Variants in SGPP1 observed in about 807,000 individuals in gnomAD.
SGPP1 encodes the protein hSPP1.
A neutral mutation model predicts 33.0 loss-of-function variants in SGPP1; 21 were observed. The ratio of observed to expected loss-of-function variants is 0.64; its 90% confidence interval spans 0.45 to 0.92. SGPP1 has a LOEUF of 0.92. SGPP1 is among the 40% of genes least tolerant of loss of function. The pLI, the probability that SGPP1 is intolerant of heterozygous loss-of-function variation, is 0.00. For synonymous variants in SGPP1, 239 were observed against 241.2 expected (o/e 0.99, Z 0.08); for missense variants, 543 against 589.4 (o/e 0.92, Z 0.81).
rs549267195 is a variant in SGPP1 at position 63,702,285 on chromosome 14, TG to T, written c.685-3628del. Among the ~76,000 whole-genome samples the T allele has an allele frequency of 2.0e-5, 3 of 152,338 alleles. No homozygotes were observed. The South Asian group carries it at 6.2e-4, about 32-fold the overall frequency. ...TGAGGCTTTCCTTTTCTCTGCTCCATGGCACCTTCAGATTTCACTGGGATGA... is the reference window on the plus strand; with the variant it reads ...TGAGGCTTTCCTTTTCTCTGCTCCATGCACCTTCAGATTTCACTGGGATGA... On this transcript the variant is annotated intron_variant, in intron 1 of 2. Coordinates refer to ENST00000247225, the MANE Select transcript of SGPP1 (RefSeq NM_030791.4).
rs764734910 is a variant in SGPP1, at chr14:63,698,546, TAAG to T, written c.774+20_774+22del. The T allele has an allele frequency of 7.4e-7, 1 of 1,344,328 alleles. No individual in the cohort carries two copies. Among genetic ancestry groups the T allele is most frequent in the Non-Finnish European group, 1.0e-6 (1 of 964,920 alleles). 83.3% of individuals were successfully genotyped at this position (1,344,328 alleles called of 1,614,324 possible). Reference sequence around the variant, plus strand: ...GTCAATGTCATAAAAAATAAAGTATTAAGAAGACAACATTTTCCTTACCAGAAT... The same window carrying T: ...GTCAATGTCATAAAAAATAAAGTATTAAGACAACATTTTCCTTACCAGAAT... On this transcript the variant is annotated intron_variant, in intron 2 of 2. Coordinates refer to ENST00000247225, the MANE Select transcript of SGPP1 (RefSeq NM_030791.4).
chr14:63,696,913 G>A (rs940807360), intron 2 of SGPP1, among the ~76,000 whole-genome samples: 3 of 152,170 alleles, frequency 2.0e-5, no homozygotes, highest in Non-Finnish European at 4.4e-5. Context: ...TTGAACCTGG[G>A]AGGCAGAAGC....
rs1296679081 is a variant in SGPP1 at position 63,698,678 on chromosome 14, A to C, written c.685-20T>G. 7.4e-7 allele frequency: 1 copy of C among 1,350,998 alleles called. No individual in the cohort carries two copies. Among genetic ancestry groups the C allele is most frequent in the East Asian group, 2.3e-5 (1 of 42,766 alleles). The allele number at this position is 1,350,998 out of a possible 1,614,324, so 83.7% of individuals were successfully genotyped here. A position where few individuals can be genotyped will look rare whatever the true frequency, so the allele number is the denominator to read the frequency against. On this transcript the variant is annotated intron_variant, in intron 1 of 2. Coordinates refer to ENST00000247225, the MANE Select transcript of SGPP1 (RefSeq NM_030791.4). ...AGGGTACTAAAGGGGAAAAAAAGTA[A>C]AATTAGTTAAACAAATTTAAGTTAG...
chr14:63,693,928 T>C (rs1885136470), intron 2 of SGPP1, among the ~76,000 whole-genome samples: 1 of 152,192 alleles, frequency 6.6e-6, no homozygotes, highest in Non-Finnish European at 1.5e-5. Context: ...TATTTTTTCA[T>C]AATAGATATA....
At chr14:63,689,842 T>C (rs1885057289) in intron 2 of SGPP1, among the ~76,000 whole-genome samples, 1 of 152,188 alleles carries the variant, frequency 6.6e-6, no homozygotes, top group Admixed American at 6.5e-5. Flanking sequence ...TTCTGAGCTT[T>C]GCTAAAATGT....
chr14:63,724,976 A>AC (rs1218014859), intron 1 of SGPP1, among the ~76,000 whole-genome samples: 8 of 149,996 alleles, frequency 5.3e-5, no homozygotes, highest in Admixed American at 2.0e-4. Flanking sequence ...ATATAGTGAG[A>AC]CCCCGACTCT....
intron 1 of SGPP1, among the ~76,000 whole-genome samples, chr14:63,715,370 C>T (rs916854475): frequency 1.3e-5 from 2 of 152,114 alleles, no homozygotes; most frequent in African/African-American, 2.4e-5. Flanking sequence ...GTGCAACTGT[C>T]ATTAGTATAC....
chr14:63,720,126 C>CAA (rs569010417), intron 1 of SGPP1, among the ~76,000 whole-genome samples: 27 of 96,742 alleles, frequency 2.8e-4, no homozygotes, highest in African/African-American at 6.9e-4. Context: ...CTGCATCTCA[C>CAA]AAAAAAAAAA....
chr14:63,702,044 T>C (rs1045535715), intron 1 of SGPP1, among the ~76,000 whole-genome samples: 3 of 150,232 alleles, frequency 2.0e-5, no homozygotes, highest in Admixed American at 1.3e-4. Flanking sequence ...AAATTACTGA[T>C]AAGAGTTCTT....
intron 1 of SGPP1, among the ~76,000 whole-genome samples, chr14:63,702,975 A>G (rs1029105200): frequency 2.6e-5 from 4 of 152,190 alleles, no homozygotes; most frequent in Non-Finnish European, 5.9e-5. Flanking sequence ...AAAAAACAGT[A>G]TATATAGCGT....
chr14:63,720,080 G>A (rs573672321), intron 1 of SGPP1, among the ~76,000 whole-genome samples: 15 of 150,042 alleles, frequency 1.0e-4, no homozygotes, highest in African/African-American at 3.7e-4. Flanking sequence ...GAGCAAAGAT[G>A]GCACCACTGC....
chr14:63,688,212 A>AGGCT, intron 2 of SGPP1, among the ~76,000 whole-genome samples: 1 of 148,806 alleles, frequency 6.7e-6, no homozygotes, highest in Non-Finnish European at 1.5e-5. Flanking sequence ...GCTACTCAGG[A>AGGCT]GGCTGAGGCA....
intron 1 of SGPP1, among the ~76,000 whole-genome samples, chr14:63,702,145 G>A (rs950955063): frequency 4.6e-5 from 7 of 152,186 alleles, no homozygotes; most frequent in Middle Eastern, 3.4e-3. Context: ...TTTTAAATAG[G>A]AGCAATGAAA....
intron 1 of SGPP1, among the ~76,000 whole-genome samples, chr14:63,715,729 C>A (rs1320522230): frequency 6.6e-6 from 1 of 152,176 alleles, no homozygotes; most frequent in Non-Finnish European, 1.5e-5. Flanking sequence ...ATCTCAGAGA[C>A]TGAGCCCTGG....
At position 63,688,315 on chromosome 14, in the gene SGPP1, CAAAAAAAAAA is replaced by C. The variant is rs71120275; in HGVS notation, c.775-1669_775-1660del. On this transcript the variant is annotated intron_variant, in intron 2 of 2. Coordinates refer to ENST00000247225, the MANE Select transcript of SGPP1 (RefSeq NM_030791.4). ...TGGGTGACAGAGCAAGACTCTGTCTCAAAAAAAAAAAAAAAAAAAAAAAAAAAATTTTAAA... is the reference window on the plus strand; with the variant it reads ...TGGGTGACAGAGCAAGACTCTGTCTCAAAAAAAAAAAAAAAAAATTTTAAA... Among the ~76,000 whole-genome samples the C allele has an allele frequency of 8.0e-3, 252 of 31,432 alleles. 3 individuals are homozygous for C. The highest frequency in any genetic ancestry group is 0.058 in the East Asian group (55 of 952). The allele number at this position is 31,432 out of a possible 152,430, so 20.6% of individuals were successfully genotyped here.
chr14:63,715,022 C>T (rs545693981), intron 1 of SGPP1, among the ~76,000 whole-genome samples: 29 of 150,128 alleles, frequency 1.9e-4, no homozygotes, highest in Admixed American at 2.7e-4. Context: ...TGCTCCCAGC[C>T]GACCTTTTTT....
chr14:63,692,677 C>T (rs888420711), intron 2 of SGPP1, among the ~76,000 whole-genome samples: 1 of 152,072 alleles, frequency 6.6e-6, no homozygotes, highest in Non-Finnish European at 1.5e-5. Context: ...GTCTTGAACT[C>T]CTGGGCTCAA....
intron 1 of SGPP1, among the ~76,000 whole-genome samples, chr14:63,719,796 A>C (rs1362214739): frequency 1.3e-5 from 2 of 151,550 alleles, no homozygotes; most frequent in African/African-American, 4.8e-5. Context: ...ACACATAATT[A>C]GTATTCATTA....
At chr14:63,708,932 C>T (rs1455877807) in intron 1 of SGPP1, among the ~76,000 whole-genome samples, 1 of 152,074 alleles carries the variant, frequency 6.6e-6, no homozygotes. Context: ...ACTATGCTGC[C>T]CTTCATATAT....
Sources: allele counts gnomAD v4.1 joint callset (sites outside exome capture counted in the v4.1 genomes callset), GRCh38; gene constraint gnomAD v4.1.1; transcripts MANE v1.5; gene names NCBI Gene and HGNC (gene_info 2026-07-23, HGNC 2026-07-21).